PATJ: variants seen among roughly 807,000 people sequenced by gnomAD.
PATJ encodes the protein PATJ crumbs cell polarity complex component.
Under a neutral mutation model 224.9 loss-of-function variants are expected in PATJ, and 190 were observed. The observed-to-expected ratio is 0.84, with a 90% CI of 0.75 to 0.95. The LOEUF (loss-of-function observed/expected upper bound fraction) is 0.95. Ranked by LOEUF, PATJ falls within the 40% of genes least tolerant of loss-of-function variation. PATJ has a pLI of 0.00. For missense variants in PATJ, 2,121 were observed against 2,270.3 expected (o/e 0.93, Z 1.34); for synonymous variants, 769 against 820.3 (o/e 0.94, Z 1.07).
chr1:62,098,001 G>A (rs1661596399), intron 33 of PATJ, among the ~76,000 whole-genome samples: 1 of 152,114 alleles, frequency 6.6e-6, no homozygotes, highest in Non-Finnish European at 1.5e-5. Context: ...AGGTGCAGTG[G>A]CTCACCCCTG....
At chr1:62,131,186 T>A (rs1282184419) in intron 41 of PATJ, among the ~76,000 whole-genome samples, 1 of 152,202 alleles carries the variant, frequency 6.6e-6, no homozygotes, top group South Asian at 2.1e-4. Flanking sequence ...CTCCTGGTCC[T>A]CACTTTCAGT....
At chr1:61,927,382 G>A (rs1675364495) in intron 26 of PATJ, among the ~76,000 whole-genome samples, 1 of 152,030 alleles carries the variant, frequency 6.6e-6, no homozygotes, top group African/African-American at 2.4e-5. Flanking sequence ...TCTTTCATTT[G>A]AATTTTCTGA....
rs1659719722 is a variant in PATJ, at chr1:61,833,747, G to A, written c.2074G>A (p.Asp692Asn). 1 of 1,613,684 alleles carries A rather than the reference G, an allele frequency of 6.2e-7. No individual in the cohort carries two copies. The highest frequency in any genetic ancestry group is 8.5e-7 in the Non-Finnish European group (1 of 1,179,720). ...PEVKIVELVK[D>N]CKGLGFSILD... ...AGTCAAGATTGTTGAACTAGTAAAA[G>A]ATTGTAAAGGTTTGGGATTCAGCAT... Residue 692 changes from aspartate to asparagine, a missense_variant, in exon 17 of 44, where the codon GAT becomes AAT. By Grantham distance (23) the Asp-to-Asn change is conservative. Transcript: ENST00000642238.
chr1:61,948,788 A>G (rs1284043896), intron 27 of PATJ, among the ~76,000 whole-genome samples: 3 of 152,174 alleles, frequency 2.0e-5, no homozygotes, highest in African/African-American at 7.2e-5. Context: ...GGCACTATCC[A>G]CAATAGCAAA....
intron 9 of PATJ, among the ~76,000 whole-genome samples, chr1:61,793,763 T>G (rs1442885354): frequency 6.6e-6 from 1 of 151,998 alleles, no homozygotes; most frequent in Admixed American, 6.6e-5. Context: ...AGACTTTTAT[T>G]TTCTTGGAAA....
chr1:61,853,668 C>CA (rs2148897325), intron 17 of PATJ, among the ~76,000 whole-genome samples: 1 of 152,270 alleles, frequency 6.6e-6, no homozygotes, highest in East Asian at 1.9e-4. Context: ...TGTTGTGATT[C>CA]ATGGTTGCCA....
intron 15 of PATJ, 56 bp downstream of exon 15, chr1:61,823,135 C>CG: frequency 6.4e-7 from 1 of 1,565,904 alleles, no homozygotes; most frequent in Middle Eastern, 1.7e-4. Flanking sequence ...TTTAGGAAAA[C>CG]GTGTTCTCAT....
At chr1:62,135,001 TGTGA>T (rs61010529) in intron 41 of PATJ, among the ~76,000 whole-genome samples, 110,236 of 151,404 alleles carry the variant, frequency 0.73, 40,342 homozygotes, top group East Asian at 0.81. Context: ...TCATGGCCTA[TGTGA>T]GTATCACTAA....
In PATJ at chr1:61,901,309, G is replaced by A; in HGVS notation, c.3231G>A (p.Val1077=). The A allele has an allele frequency of 6.5e-7, 1 of 1,542,072 alleles. No homozygotes were observed. The highest frequency in any genetic ancestry group is 1.3e-5 in the South Asian group (1 of 79,094). Residue 1077 remains valine (V), a synonymous_variant, in exon 24 of 44, where the codon GTG becomes GTA. Transcript: ENST00000642238. ...RIVEIFREPN[V]SLGISIVGGQ... ...TTGAGATTTTTAGAGAACCCAATGTGTCTCTTGGGATCAGTATTGTTGGTG... is the reference window on the plus strand; with the variant it reads ...TTGAGATTTTTAGAGAACCCAATGTATCTCTTGGGATCAGTATTGTTGGTG...
chr1:61,843,676 C>T (rs993530152), intron 17 of PATJ, among the ~76,000 whole-genome samples: 7 of 149,394 alleles, frequency 4.7e-5, no homozygotes, highest in African/African-American at 1.7e-4. Context: ...GCTGCGATCA[C>T]ACCACTGCAC....
In PATJ at chr1:61,769,421, A is replaced by G. The variant is rs1237428264; in HGVS notation, c.523A>G (p.Arg175Gly). 6.2e-7 allele frequency: 1 copy of G among 1,609,088 alleles called. No homozygotes were observed. The part of the protein sequence containing the change: ...KDVQPGSVAD[R>G]DQRLKENDQI... ...TGTCCAGCCAGGGAGTGTAGCAGAC[A>G]GGTGAGGAAGCTGTTTATTTTCATT... is the stretch of plus-strand genomic sequence containing the variant. The change falls in exon 5 of 44, where the codon AGG (arginine) becomes GGG (glycine). Residue 175 changes from arginine to glycine, a missense_variant and splice_region_variant. Physicochemically the swap from Arg to Gly is moderately radical, Grantham distance 125 (BLOSUM62 -2). Transcript: ENST00000642238.
Position 61,763,010 on chromosome 1 carries a change from A to G in PATJ, c.23-3A>G. 6.2e-7 allele frequency: 1 copy of G among 1,606,784 alleles called. No homozygotes were observed. Reference sequence around the variant, plus strand: ...TTACTCTACTTATTCATCTTGACCCAAGATAAACTGCAGGTGCTGCAGGTA... The same window carrying G: ...TTACTCTACTTATTCATCTTGACCCGAGATAAACTGCAGGTGCTGCAGGTA... On this transcript the variant is annotated splice_region_variant and splice_polypyrimidine_tract_variant and intron_variant, in intron 2 of 43. Transcript: ENST00000642238.
chr1:62,073,150 C>T (rs770618914), intron 31 of PATJ: 4 of 985,114 alleles, frequency 4.1e-6, no homozygotes, highest in Non-Finnish European at 4.8e-6. Flanking sequence ...CGTTATAGAC[C>T]GGGTTCCAAA....
chr1:61,830,591 A>T (rs1371656594), intron 16 of PATJ, among the ~76,000 whole-genome samples: 1 of 151,686 alleles, frequency 6.6e-6, no homozygotes, highest in Non-Finnish European at 1.5e-5. Flanking sequence ...ACCAAAAAGA[A>T]CAAAGCCAGA....
chr1:61,822,453 A>G (rs1657486555), intron 14 of PATJ, among the ~76,000 whole-genome samples: 1 of 151,700 alleles, frequency 6.6e-6, no homozygotes, highest in Non-Finnish European at 1.5e-5. Flanking sequence ...AAAAGAAAAG[A>G]AAAGAAATTC....
chr1:61,864,551 C>T lies in PATJ; in HGVS notation c.2753C>T (p.Pro918Leu). Residue 918 changes from proline (P) to leucine (L), a missense_variant, in exon 20 of 44, where the codon CCA becomes CTA. Transcript: ENST00000642238. ...FGTQWLHDNE[P>L]SESQEARTGR... ...ACACAGTGGTTGCATGATAATGAAC[C>T]ATCCGAGTCTCAAGAGGCAAGAACC... The T allele has an allele frequency of 6.2e-6, 10 of 1,613,174 alleles. No individual in the cohort carries two copies. Among genetic ancestry groups the T allele is most frequent in the Non-Finnish European group, 8.5e-6 (10 of 1,179,732 alleles).
At chr1:62,077,045 C>T (rs6670849) in intron 31 of PATJ, among the ~76,000 whole-genome samples, 56,203 of 151,936 alleles carry the variant, frequency 0.37, 10,717 homozygotes, top group Non-Finnish European at 0.41. Flanking sequence ...TACTCTACCA[C>T]CCTCAAATGG....
intron 33 of PATJ, among the ~76,000 whole-genome samples, chr1:62,108,034 G>A (rs1309321486): frequency 2.0e-5 from 3 of 152,086 alleles, no homozygotes; most frequent in Admixed American, 2.0e-4. Flanking sequence ...ATAAGGCCTG[G>A]CAAAACCTCC....
chr1:61,953,536 T>C (rs1277830433), intron 27 of PATJ, among the ~76,000 whole-genome samples: 1 of 152,226 alleles, frequency 6.6e-6, no homozygotes, highest in Non-Finnish European at 1.5e-5. Context: ...GGAAATGCTA[T>C]AGCTCCTAAA....
Sources: allele counts gnomAD v4.1 joint callset (sites outside exome capture counted in the v4.1 genomes callset), GRCh38; gene constraint gnomAD v4.1.1; transcripts MANE v1.5; gene names NCBI Gene and HGNC (gene_info 2026-07-23, HGNC 2026-07-21).